NCKAP1: variants seen among roughly 807,000 people sequenced by gnomAD.
The protein encoded by NCKAP1 is NCK associated protein 1, also known as nck-associated protein 1.
Under a neutral mutation model 151.2 loss-of-function variants are expected in NCKAP1, and 21 were observed. The observed-to-expected ratio is 0.14, with a 90% CI of 0.10 to 0.20. NCKAP1 has a LOEUF of 0.20. NCKAP1 is among the 10% of genes least tolerant of loss of function. The probability of loss-of-function intolerance (pLI) is 1.00; values close to 1 mark genes in which losing one functional copy is unlikely to be tolerated. For synonymous variants in NCKAP1, 484 were observed against 451.8 expected (o/e 1.07, Z -0.90); for missense variants, 933 against 1,352.1 (o/e 0.69, Z 4.86).
intron 26 of NCKAP1, among the ~76,000 whole-genome samples, chr2:182,933,509 T>TC (rs1275764134): frequency 6.6e-6 from 1 of 150,544 alleles, no homozygotes; most frequent in East Asian, 2.0e-4. Flanking sequence ...TTCTCCTGCC[T>TC]CACCCTCCCG....
intron 30 of NCKAP1, 70 bp from the exon 31 acceptor site, chr2:182,925,888 T>C (rs1219159342): frequency 1.3e-6 from 1 of 743,698 alleles, no homozygotes; most frequent in Non-Finnish European, 2.1e-6. Flanking sequence ...TCATAAGTTA[T>C]TTATAATGGG....
Position 182,921,085 on chromosome 2 carries a change from G to A in NCKAP1, c.*4617C>T, listed in dbSNP as rs2105791155. 1 of 151,986 alleles carries A rather than the reference G, an allele frequency of 6.6e-6. No homozygotes were observed. The highest frequency in any genetic ancestry group is 1.9e-4 in the East Asian group (1 of 5,184). 9.4% of individuals were successfully genotyped at this position (151,986 alleles called of 1,614,324 possible). ...AAAACACTTTTAGTCAGTTACTAAT[G>A]GAGAAAAAATAAATATAATTTGGTT... On this transcript the variant is annotated 3_prime_UTR_variant, in exon 31 of 31. Coordinates refer to ENST00000361354, the MANE Select transcript of NCKAP1 (RefSeq NM_013436.5).
In NCKAP1 at chr2:182,924,898, CT is replaced by C. The variant is rs1696610739; in HGVS notation, c.*803del. The stretch of plus-strand genomic sequence containing the variant: ...GAAATCAATCGAAGTGTGATACAGT[CT>C]AGTGTTTATTTTATGTTATGGCAGG... On this transcript the variant is annotated 3_prime_UTR_variant, in exon 31 of 31. Coordinates refer to ENST00000361354, the MANE Select transcript of NCKAP1 (RefSeq NM_013436.5). 1 of 151,950 alleles carries C rather than the reference CT, an allele frequency of 6.6e-6. No homozygotes were observed. The highest frequency in any genetic ancestry group is 2.1e-4 in the South Asian group (1 of 4,826). 9.4% of individuals were successfully genotyped at this position (151,950 alleles called of 1,614,324 possible).
At chr2:183,000,637 C>T (rs1353533371) in intron 6 of NCKAP1, among the ~76,000 whole-genome samples, 1 of 152,124 alleles carries the variant, frequency 6.6e-6, no homozygotes, top group African/African-American at 2.4e-5. Context: ...CTGATGCCAT[C>T]TACTAGCTTC....
chr2:182,926,345 C>T (rs1335748357), intron 30 of NCKAP1, among the ~76,000 whole-genome samples: 1 of 151,960 alleles, frequency 6.6e-6, no homozygotes, highest in Admixed American at 6.6e-5. Flanking sequence ...AATCCAATTT[C>T]TGCAGGTAAG....
At chr2:182,997,847 C>T (rs1432393677) in intron 6 of NCKAP1, among the ~76,000 whole-genome samples, 2 of 152,140 alleles carry the variant, frequency 1.3e-5, no homozygotes, top group East Asian at 1.9e-4. Flanking sequence ...CATCCTGGTA[C>T]CAAAATCTCG....
In NCKAP1 at chr2:182,914,427, T is replaced by C. The variant is rs1251898655; in HGVS notation, c.*11275A>G. On this transcript the variant is annotated 3_prime_UTR_variant, in exon 31 of 31. Coordinates refer to ENST00000361354, the MANE Select transcript of NCKAP1 (RefSeq NM_013436.5). Reference sequence around the variant, plus strand: ...TTAAAACAGGCAATTTCTATTTCTTTAACTTTCCTACTCAAGCATTGTTTT... The same window carrying C: ...TTAAAACAGGCAATTTCTATTTCTTCAACTTTCCTACTCAAGCATTGTTTT... 3 of 152,200 alleles carry C rather than the reference T, an allele frequency of 2.0e-5. No homozygotes were observed. Among genetic ancestry groups the C allele is most frequent in the Non-Finnish European group, 2.9e-5 (2 of 68,032 alleles). The allele number at this position is 152,200 out of a possible 1,614,324, so 9.4% of individuals were successfully genotyped here.
intron 14 of NCKAP1, among the ~76,000 whole-genome samples, chr2:182,978,206 A>G (rs192044825): frequency 4.7e-4 from 71 of 152,356 alleles, no homozygotes; most frequent in Middle Eastern, 3.4e-3. Context: ...TTTATTACTC[A>G]GAAGTTTTCA....
chr2:182,956,276 G>A (rs1444063130), intron 20 of NCKAP1, among the ~76,000 whole-genome samples, 186 bp downstream of exon 20: 2 of 152,120 alleles, frequency 1.3e-5, no homozygotes, highest in Non-Finnish European at 2.9e-5. Context: ...TCCTGACCTC[G>A]TGATCTGCCC....
At position 182,911,498 on chromosome 2, in the gene NCKAP1, AAC is replaced by A. The variant is rs1696394755; in HGVS notation, c.*14202_*14203del. On this transcript the variant is annotated 3_prime_UTR_variant, in exon 31 of 31. Coordinates refer to ENST00000361354, the MANE Select transcript of NCKAP1 (RefSeq NM_013436.5). ...AATACATGTTTTATATACTGTTATA[AAC>A]AGACTATGTGAAAAAATTTGAAATA... 1 of 152,250 alleles carries A rather than the reference AAC, an allele frequency of 6.6e-6. No individual in the cohort carries two copies. The highest frequency in any genetic ancestry group is 1.5e-5 in the Non-Finnish European group (1 of 68,044). 9.4% of individuals were successfully genotyped at this position (152,250 alleles called of 1,614,324 possible). A position where few individuals can be genotyped will look rare whatever the true frequency, so the allele number is the denominator to read the frequency against.
rs34055584 is a variant in NCKAP1, at chr2:183,004,488, C to CAAA, written c.220-1166_220-1164dup. 2.2e-3 allele frequency among the ~76,000 whole-genome samples: 174 copies of CAAA among 78,768 alleles called. 3 individuals carry two copies. Among genetic ancestry groups the CAAA allele is most frequent in the Middle Eastern group, 8.8e-3 (1 of 114 alleles). The allele number at this position is 78,768 out of a possible 152,430, so 51.7% of individuals were successfully genotyped here. ...CGAAAAACCTATTTAAAACAGCAAGCAAAAAAAAAAAAAAAAAAACAGCAA... is the reference window on the plus strand; with the variant it reads ...CGAAAAACCTATTTAAAACAGCAAGCAAAAAAAAAAAAAAAAAAAAAACAGCAA... On this transcript the variant is annotated intron_variant, in intron 2 of 30. Transcript: ENST00000361354.
At chr2:182,987,652 T>C (rs1027942421) in intron 9 of NCKAP1, among the ~76,000 whole-genome samples, 1 of 152,212 alleles carries the variant, frequency 6.6e-6, no homozygotes, top group Non-Finnish European at 1.5e-5. Context: ...TACAATGAGT[T>C]TGTCAGTATG....
intron 13 of NCKAP1, among the ~76,000 whole-genome samples, chr2:182,979,690 A>G (rs1265164563): frequency 1.3e-5 from 2 of 152,100 alleles, no homozygotes; most frequent in East Asian, 3.8e-4. Flanking sequence ...CTAAATTTAT[A>G]TGCTAGCAAA....
intron 2 of NCKAP1, among the ~76,000 whole-genome samples, chr2:183,007,197 C>T (rs1559103812): frequency 6.6e-6 from 1 of 152,128 alleles, no homozygotes; most frequent in African/African-American, 2.4e-5. Flanking sequence ...CTTATAAAAG[C>T]ATATTCATGT....
Position 182,925,209 on chromosome 2 carries a change from T to C in NCKAP1, c.*493A>G, listed in dbSNP as rs1381467066. The stretch of plus-strand genomic sequence containing the variant: ...TTATACAGTGTTACAGTATTTAGTT[T>C]GGCAAATGTTTCAAAATAAAGTAGA... On this transcript the variant is annotated 3_prime_UTR_variant, in exon 31 of 31. Coordinates refer to ENST00000361354, the MANE Select transcript of NCKAP1 (RefSeq NM_013436.5). 2 of 152,196 alleles carry C rather than the reference T, an allele frequency of 1.3e-5. No homozygotes were observed. Among genetic ancestry groups the C allele is most frequent in the Admixed American group, 6.5e-5 (1 of 15,268 alleles). The allele number at this position is 152,196 out of a possible 1,614,324, so 9.4% of individuals were successfully genotyped here.
At chr2:182,978,989 C>T (rs994169192) in intron 13 of NCKAP1, 74 bp from the exon 14 acceptor site, 22 of 956,178 alleles carry the variant, frequency 2.3e-5, no homozygotes, top group South Asian at 9.4e-5. Flanking sequence ...AATTAGTGGA[C>T]GGATAAACAA....
At chr2:182,937,244 A>G (rs1169994232) in intron 24 of NCKAP1, among the ~76,000 whole-genome samples, 1 of 152,076 alleles carries the variant, frequency 6.6e-6, no homozygotes, top group Non-Finnish European at 1.5e-5. Context: ...CAAAGACTAT[A>G]CCCTACAACC....
At chr2:183,034,602 T>C (rs1430703749) in intron 1 of NCKAP1, among the ~76,000 whole-genome samples, 1 of 152,176 alleles carries the variant, frequency 6.6e-6, no homozygotes, top group African/African-American at 2.4e-5. Context: ...GGCAGTTTTG[T>C]TGAACAGTTA....
At position 182,930,745 on chromosome 2, in the gene NCKAP1, G is replaced by A. The variant is rs1406260231; in HGVS notation, c.2903C>T (p.Pro968Leu). 1.2e-6 allele frequency: 2 copies of A among 1,613,394 alleles called. No individual in the cohort carries two copies. Among genetic ancestry groups the A allele is most frequent in the South Asian group, 2.2e-5 (2 of 91,048 alleles). Reference sequence around the variant, plus strand: ...GACCAATGCAGGATCAATCTCACAAGGTAATCCGGCAGCTGATGATAACTC... The same window carrying A: ...GACCAATGCAGGATCAATCTCACAAAGTAATCCGGCAGCTGATGATAACTC... Reference protein sequence around the residue: ...VYELSSAAGLPCEIDPALVVA... With the variant: ...VYELSSAAGLLCEIDPALVVA... The change falls in exon 27 of 31, where the codon CCT becomes CTT. Residue 968 changes from proline to leucine, a missense_variant. Pro to Leu is a moderately conservative substitution (Grantham distance 98, BLOSUM62 -3). Around this residue, in one of 2 missense-constraint regions of NCKAP1, gnomAD observed 326 missense variants for 557.1 expected, o/e 0.59. Transcript: ENST00000361354.
Sources: allele counts gnomAD v4.1 joint callset (sites outside exome capture counted in the v4.1 genomes callset), GRCh38; gene constraint gnomAD v4.1.1; regional missense constraint gnomAD v4.1.1; transcripts MANE v1.5; gene names NCBI Gene and HGNC (gene_info 2026-07-23, HGNC 2026-07-21).